ZNF385D: variants seen among roughly 807,000 people sequenced by gnomAD.
The protein encoded by ZNF385D is zinc finger protein 659.
In ZNF385D, 15 loss-of-function variants were observed where a neutral mutation model predicts 35.8. The ratio of observed to expected loss-of-function variants is 0.42; its 90% CI spans 0.28 to 0.64. The LOEUF (loss-of-function observed/expected upper bound fraction) is 0.64. Ranked by LOEUF, ZNF385D falls within the 30% of genes least tolerant of loss-of-function variation. ZNF385D has a pLI of 0.23. For missense variants in ZNF385D, 474 were observed against 494.6 expected, an observed-to-expected ratio of 0.96 and a Z score of 0.39; for synonymous variants, 212 against 186.8, an observed-to-expected ratio of 1.13 and a Z score of -1.10.
At chr3:21,732,044 T>TTTG (rs2069033601) in intron 1 of ZNF385D, among the ~76,000 whole-genome samples, 1 of 45,602 alleles carries the variant, frequency 2.2e-5, no homozygotes, top group African/African-American at 6.2e-5. Flanking sequence ...TTTTTTTTTT[T>TTTG]TTTTTTTTTT....
intron 3 of ZNF385D, among the ~76,000 whole-genome samples, chr3:21,914,771 C>A (rs181717333): frequency 1.3e-5 from 2 of 151,838 alleles, no homozygotes; most frequent in Non-Finnish European, 2.9e-5. Context: ...AAATACCCCT[C>A]GGTTTATTTT....
intron 1 of ZNF385D, among the ~76,000 whole-genome samples, chr3:21,689,716 C>T (rs1466993575): frequency 6.6e-6 from 1 of 152,036 alleles, no homozygotes; most frequent in East Asian, 1.9e-4. Flanking sequence ...TCATCAGAAA[C>T]ACCTGTAGGG....
chr3:22,312,758 G>A (rs1325842867), intron 2 of ZNF385D, among the ~76,000 whole-genome samples: 7 of 149,004 alleles, frequency 4.7e-5, no homozygotes, highest in Middle Eastern at 6.9e-3. Flanking sequence ...AACAACAGGT[G>A]CTGGAGAGGA....
intron 3 of ZNF385D, among the ~76,000 whole-genome samples, chr3:22,086,614 G>T (rs1701059167): frequency 6.6e-6 from 1 of 152,148 alleles, no homozygotes; most frequent in African/African-American, 2.4e-5. Context: ...CATGAAAATG[G>T]TCATAATACC....
intron 3 of ZNF385D, among the ~76,000 whole-genome samples, chr3:21,918,087 C>A (rs958688345): frequency 1.3e-5 from 2 of 152,144 alleles, no homozygotes; most frequent in Admixed American, 6.6e-5. Context: ...TTCGAGAATG[C>A]TTCTCAATGT....
At chr3:21,695,624 T>C (rs2125361691) in intron 1 of ZNF385D, among the ~76,000 whole-genome samples, 2 of 152,268 alleles carry the variant, frequency 1.3e-5, no homozygotes, top group South Asian at 4.1e-4. Context: ...CTTACCATGC[T>C]CTACAACACC....
At chr3:21,693,442 T>A (rs1002891660) in intron 1 of ZNF385D, among the ~76,000 whole-genome samples, 4 of 152,220 alleles carry the variant, frequency 2.6e-5, no homozygotes, top group African/African-American at 9.6e-5. Context: ...ACTTACAGTA[T>A]AGACCCTTGT....
intron 2 of ZNF385D, among the ~76,000 whole-genome samples, chr3:22,370,610 G>A (rs987706133): frequency 1.3e-5 from 2 of 152,170 alleles, no homozygotes; most frequent in Non-Finnish European, 2.9e-5. Flanking sequence ...GAGGCTCAAA[G>A]AGGTTGTGTA....
In ZNF385D at chr3:22,280,748, G is replaced by A. The variant is rs143740171; in HGVS notation, c.106+91702C>T. On this transcript the variant is annotated intron_variant, in intron 2 of 5. Coordinates refer to the ZNF385D transcript ENST00000494108. ...GCTTAGTCTTGCTTTAGCTATGCAG[G>A]CACTTTTTTGGGTTCATATGAATTT... Among the ~76,000 whole-genome samples, 720 of 152,036 alleles carry A rather than the reference G, an allele frequency of 4.7e-3. 12 individuals are homozygous for A. Among genetic ancestry groups the A allele is most frequent in the African/African-American group, 0.016 (656 of 41,492 alleles).
At chr3:22,300,628 G>A (rs963846349) in intron 2 of ZNF385D, among the ~76,000 whole-genome samples, 1 of 151,772 alleles carries the variant, frequency 6.6e-6, no homozygotes, top group South Asian at 2.1e-4. Context: ...AATGGGTAAA[G>A]GATAGAAATA....
intron 1 of ZNF385D, among the ~76,000 whole-genome samples, chr3:21,732,030 GTTTTTTTT>G (rs1214143626): frequency 8.0e-5 from 3 of 37,370 alleles, no homozygotes; most frequent in Non-Finnish European, 1.7e-4. Context: ...TTTTTTCGGG[GTTTTTTTT>G]TTTTTTTTTT....
intron 2 of ZNF385D, among the ~76,000 whole-genome samples, chr3:22,192,603 G>A (rs932315339): frequency 6.6e-6 from 1 of 152,114 alleles, no homozygotes; most frequent in Non-Finnish European, 1.5e-5. Flanking sequence ...GTTGAAAATG[G>A]ACCCTCCAAA....
intron 2 of ZNF385D, among the ~76,000 whole-genome samples, chr3:21,619,297 C>T (rs1380188070): frequency 6.6e-6 from 1 of 152,064 alleles, no homozygotes; most frequent in African/African-American, 2.4e-5. Context: ...TTTTGCAAAA[C>T]CCATCCTCAC....
At chr3:22,029,862 G>C (rs1310773487) in intron 3 of ZNF385D, among the ~76,000 whole-genome samples, 1 of 152,010 alleles carries the variant, frequency 6.6e-6, no homozygotes, top group Non-Finnish European at 1.5e-5. Flanking sequence ...TTGACAAGGG[G>C]TGGACTTGTG....
intron 3 of ZNF385D, among the ~76,000 whole-genome samples, chr3:21,537,238 T>G (rs1196805053): frequency 1.3e-5 from 2 of 150,066 alleles, no homozygotes; most frequent in African/African-American, 4.9e-5. Context: ...GTCCAAGCGA[T>G]TCTCCTGCCT....
intron 2 of ZNF385D, among the ~76,000 whole-genome samples, chr3:21,653,113 A>T (rs901546902): frequency 5.9e-5 from 9 of 152,048 alleles, no homozygotes; most frequent in Admixed American, 2.0e-4. Context: ...CTGGCATGTG[A>T]TTTAAAAATA....
chr3:21,711,102 C>T (rs1366526109), intron 1 of ZNF385D, among the ~76,000 whole-genome samples: 1 of 119,344 alleles, frequency 8.4e-6, no homozygotes, highest in East Asian at 2.8e-4. Flanking sequence ...AGTGCAGTGG[C>T]GTGATCTCGG....
At chr3:22,250,799 G>T (rs940963995) in intron 2 of ZNF385D, among the ~76,000 whole-genome samples, 2 of 152,058 alleles carry the variant, frequency 1.3e-5, no homozygotes, top group Admixed American at 6.6e-5. Context: ...TGCTGTCAGT[G>T]GAGAGTTTAG....
At chr3:22,110,605 A>G (rs1475906172) in intron 3 of ZNF385D, among the ~76,000 whole-genome samples, 2 of 150,666 alleles carry the variant, frequency 1.3e-5, no homozygotes, top group Non-Finnish European at 3.0e-5. Flanking sequence ...ACATGGACAC[A>G]GGAAGGGGAA....
Sources: allele counts gnomAD v4.1 joint callset (sites outside exome capture counted in the v4.1 genomes callset), GRCh38; gene constraint gnomAD v4.1.1; transcripts MANE v1.5; gene names NCBI Gene and HGNC (gene_info 2026-07-23, HGNC 2026-07-21).